Variants in SPIDR observed in about 807,000 individuals in gnomAD.
SPIDR encodes the protein DNA repair-scaffolding protein.
In SPIDR, 93 loss-of-function variants were observed where a neutral mutation model predicts 104.6. The ratio of observed to expected loss-of-function variants is 0.89; its 90% confidence interval spans 0.75 to 1.06. The LOEUF is 1.06. Ranked by LOEUF, SPIDR falls within the 50% of genes least tolerant of loss-of-function variation. SPIDR has a pLI of 0.00. For missense variants in SPIDR, 1,154 were observed against 1,111.2 expected (o/e 1.04, Z -0.55); for synonymous variants, 431 against 416.9 (o/e 1.03, Z -0.41).
chr8:47,627,402 TA>T (rs958009906), intron 10 of SPIDR, among the ~76,000 whole-genome samples: 6 of 150,870 alleles, frequency 4.0e-5, no homozygotes, highest in South Asian at 2.1e-4. Flanking sequence ...AATAAAAATT[TA>T]AAAAAAAAGA....
chr8:47,667,563 A>G (rs531092227), intron 10 of SPIDR, among the ~76,000 whole-genome samples: 1 of 152,172 alleles, frequency 6.6e-6, no homozygotes, highest in African/African-American at 2.4e-5. Flanking sequence ...CTAAGCCTCC[A>G]ACATAAGAAA....
At chr8:47,417,437 G>A (rs2064553723) in intron 7 of SPIDR, among the ~76,000 whole-genome samples, 1 of 152,176 alleles carries the variant, frequency 6.6e-6, no homozygotes, top group African/African-American at 2.4e-5. Context: ...TGTGAGAAGT[G>A]TCTGTTCATA....
chr8:47,361,620 C>T (rs1554630085), intron 5 of SPIDR, among the ~76,000 whole-genome samples: 2 of 152,272 alleles, frequency 1.3e-5, no homozygotes, highest in East Asian at 3.8e-4. Flanking sequence ...TCTGCCACCT[C>T]TGAATCAAAC....
intron 14 of SPIDR, among the ~76,000 whole-genome samples, chr8:47,710,217 T>A (rs990527748): frequency 2.0e-5 from 3 of 152,162 alleles, no homozygotes. Context: ...GTAGTACTGC[T>A]TTAATTAGTT....
intron 7 of SPIDR, among the ~76,000 whole-genome samples, chr8:47,413,379 A>G (rs1554673183): frequency 6.6e-6 from 1 of 152,216 alleles, no homozygotes; most frequent in Admixed American, 6.5e-5. Flanking sequence ...CAAGGAAGAG[A>G]CAGGGCCAAA....
chr8:47,290,424 A>G (rs1420982435), intron 3 of SPIDR, among the ~76,000 whole-genome samples: 2 of 152,220 alleles, frequency 1.3e-5, no homozygotes, highest in African/African-American at 4.8e-5. Context: ...TGACTGGATC[A>G]GTGTCAGTAT....
intron 8 of SPIDR, chr8:47,592,525 A>G: frequency 1.4e-6 from 2 of 1,386,060 alleles, no homozygotes; most frequent in Non-Finnish European, 2.0e-6. Flanking sequence ...CATTGCTCTC[A>G]TCTGGTTCTG....
chr8:47,560,020 C>T (rs182086623), intron 8 of SPIDR, among the ~76,000 whole-genome samples: 1 of 152,268 alleles, frequency 6.6e-6, no homozygotes, highest in East Asian at 1.9e-4. Context: ...AATTTCCTTG[C>T]TTATGTTGAT....
chr8:47,328,727 G>C (rs1282849433), intron 5 of SPIDR, among the ~76,000 whole-genome samples: 1 of 151,918 alleles, frequency 6.6e-6, no homozygotes, highest in Non-Finnish European at 1.5e-5. Context: ...TCTACCTTTG[G>C]CTGGGTTAAT....
At chr8:47,708,481 A>G (rs2081390580) in intron 14 of SPIDR, among the ~76,000 whole-genome samples, 1 of 152,150 alleles carries the variant, frequency 6.6e-6, no homozygotes, top group African/African-American at 2.4e-5. Flanking sequence ...CATCCCTACC[A>G]GGACAGCACA....
chr8:47,496,406 A>G lies in SPIDR; in HGVS notation c.1097+55864A>G, dbSNP rs533850033. Among the ~76,000 whole-genome samples, 567 of 152,282 alleles carry G rather than the reference A, an allele frequency of 3.7e-3. 5 individuals are homozygous for G. The highest frequency in any genetic ancestry group is 9.4e-3 in the Admixed American group (143 of 15,292). ...AAGTTCTTGAGTGTTTTCATCATGA[A>G]CATGTATTAAATTTAGTAAAATGCT... On this transcript the variant is annotated intron_variant, in intron 8 of 19. Coordinates refer to ENST00000297423, the MANE Select transcript of SPIDR (RefSeq NM_001080394.4).
At chr8:47,685,743 C>T (rs1421876285) in intron 11 of SPIDR, among the ~76,000 whole-genome samples, 10 of 151,820 alleles carry the variant, frequency 6.6e-5, no homozygotes, top group Admixed American at 2.6e-4. Flanking sequence ...TTAGTAGAGA[C>T]GGGGTTTCAC....
chr8:47,492,313 C>G (rs2078846334), intron 8 of SPIDR, among the ~76,000 whole-genome samples: 2 of 152,094 alleles, frequency 1.3e-5, no homozygotes, highest in South Asian at 4.2e-4. Flanking sequence ...GGTATAAGAC[C>G]AGTATCTGGC....
At chr8:47,732,317 G>A (rs2085384003) in intron 19 of SPIDR, 1 of 650,522 alleles carries the variant, frequency 1.5e-6, no homozygotes, top group Non-Finnish European at 2.8e-6. Flanking sequence ...TATGCAGTAT[G>A]TGTGCATCAG....
intron 8 of SPIDR, among the ~76,000 whole-genome samples, chr8:47,501,403 C>G (rs1450393700): frequency 6.6e-6 from 1 of 152,054 alleles, no homozygotes; most frequent in Admixed American, 6.6e-5. Flanking sequence ...CTCTTTGAAG[C>G]AATTGTGAAT....
At chr8:47,518,282 A>C (rs1444389334) in intron 8 of SPIDR, among the ~76,000 whole-genome samples, 1 of 152,184 alleles carries the variant, frequency 6.6e-6, no homozygotes, top group Admixed American at 6.5e-5. Flanking sequence ...ATATTCAGGA[A>C]CTTATTAATA....
rs782564717 is a variant in SPIDR at position 47,281,973 on chromosome 8, G to GT, written c.189+1958dup. ...CCATAGTCTGCAGAATGGAAGTGGT[G>GT]TTAGCAGGTATGAAAACAGCATTCA... On this transcript the variant is annotated intron_variant, in intron 2 of 19. Transcript: ENST00000297423. Among the ~76,000 whole-genome samples the GT allele has an allele frequency of 3.9e-3, 597 of 152,350 alleles. 3 individuals carry two copies. The highest frequency in any genetic ancestry group is 0.022 in the South Asian group (107 of 4,828).
chr8:47,445,789 G>C (rs1168098413), intron 8 of SPIDR, among the ~76,000 whole-genome samples: 1 of 152,222 alleles, frequency 6.6e-6, no homozygotes, highest in Non-Finnish European at 1.5e-5. Flanking sequence ...GAGAAAGTTT[G>C]AGTTGTCTGG....
intron 17 of SPIDR, among the ~76,000 whole-genome samples, chr8:47,727,944 C>T (rs565142003): frequency 2.0e-4 from 30 of 152,124 alleles, no homozygotes; most frequent in Admixed American, 1.7e-3. Flanking sequence ...TGGCAAAACC[C>T]AGTCTCTACT....
Sources: allele counts gnomAD v4.1 joint callset (sites outside exome capture counted in the v4.1 genomes callset), GRCh38; gene constraint gnomAD v4.1.1; transcripts MANE v1.5; gene names NCBI Gene and HGNC (gene_info 2026-07-23, HGNC 2026-07-21).